Variants in EPG5 observed in about 807,000 individuals in gnomAD.
EPG5 encodes ectopic P-granules 5 autophagy tethering factor, also known as ectopic P granules protein 5 homolog.
EPG5 carries 159 observed loss-of-function variants against 302.7 expected under a neutral mutation model. The observed-to-expected ratio is 0.53, with a 90% CI of 0.46 to 0.60. The LOEUF is 0.60. EPG5 is among the 20% of genes least tolerant of loss of function. EPG5 has a pLI of 0.00. For synonymous variants in EPG5, 1,158 were observed against 1,136.8 expected (o/e 1.02, Z -0.37); for missense variants, 2,896 against 3,092.4 (o/e 0.94, Z 1.51).
chr18:45,809,463 T>G, the EPG5 span, among the ~76,000 whole-genome samples: 1 of 152,324 alleles, frequency 6.6e-6, no homozygotes, highest in East Asian at 1.9e-4. Flanking sequence ...ATAGACCATA[T>G]GATAGGCCAC....
intron 29 of EPG5, among the ~76,000 whole-genome samples, chr18:45,885,263 C>T (rs894350150): frequency 7.2e-5 from 11 of 151,966 alleles, no homozygotes; most frequent in African/African-American, 2.2e-4. Context: ...TGCTTGAACC[C>T]GGGAGGCAGT....
chr18:45,931,348 T>C (rs952725778), intron 11 of EPG5, among the ~76,000 whole-genome samples: 3 of 152,212 alleles, frequency 2.0e-5, no homozygotes, highest in African/African-American at 7.2e-5. Flanking sequence ...AGAAATTAGT[T>C]ATAACCGTAA....
At chr18:45,824,944 C>A in the EPG5 span, among the ~76,000 whole-genome samples, 2 of 151,870 alleles carry the variant, frequency 1.3e-5, no homozygotes, top group African/African-American at 4.8e-5. Context: ...TAGGAAGACC[C>A]CCAAGTGCCA....
chr18:45,887,760 G>T lies in EPG5; in HGVS notation c.5100C>A (p.Ile1700=). ...TRQFFTSCIE[I]LGQVFISGIK... is the part of the protein sequence containing the mutation. ...GTACAGATAGCCTTACCTGTCCCAA[G>T]ATCTCAATACATGAAGTAAAGAACT... The change falls in exon 29 of 44, where the codon ATC becomes ATA. Residue 1700 remains isoleucine, a synonymous_variant. Coordinates refer to ENST00000282041, the MANE Select transcript of EPG5 (RefSeq NM_020964.3). 1.3e-6 allele frequency: 2 copies of T among 1,571,268 alleles called. No homozygotes were observed. The highest frequency in any genetic ancestry group is 8.7e-7 in the Non-Finnish European group (1 of 1,148,554).
intron 29 of EPG5, among the ~76,000 whole-genome samples, chr18:45,886,906 C>T (rs762763357): frequency 6.6e-6 from 1 of 152,144 alleles, no homozygotes; most frequent in Non-Finnish European, 1.5e-5. Flanking sequence ...GATCTGCCCA[C>T]CTCAGCCTCC....
chr18:45,916,739 A>G, intron 17 of EPG5, 157 bp from the exon 18 acceptor site: 1 of 692,432 alleles, frequency 1.4e-6, no homozygotes, highest in Non-Finnish European at 2.3e-6. Context: ...AAGTTTTCAC[A>G]TTTAACATGG....
chr18:45,899,694 G>A, intron 26 of EPG5, 128 bp from the exon 27 acceptor site: 1 of 934,958 alleles, frequency 1.1e-6, no homozygotes, highest in Non-Finnish European at 1.6e-6. Flanking sequence ...AGTAACAGAG[G>A]ACCAAAGGTT....
intron 35 of EPG5, among the ~76,000 whole-genome samples, chr18:45,872,450 T>A (rs2048891376): frequency 1.3e-5 from 2 of 152,294 alleles, no homozygotes; most frequent in East Asian, 3.9e-4. Flanking sequence ...ACGCTTGCAA[T>A]CCCGGCACTT....
At chr18:45,841,403 G>A in the EPG5 span, among the ~76,000 whole-genome samples, 5 of 152,172 alleles carry the variant, frequency 3.3e-5, no homozygotes, top group South Asian at 2.1e-4. Context: ...GAGGGTGGAC[G>A]GGAGGAAGGC....
At chr18:45,823,407 T>C in the EPG5 span, among the ~76,000 whole-genome samples, 1 of 152,126 alleles carries the variant, frequency 6.6e-6, no homozygotes, top group Non-Finnish European at 1.5e-5. Flanking sequence ...CCTAGAAGAA[T>C]TGAGACCCCT....
intron 27 of EPG5, 86 bp downstream of exon 27, chr18:45,899,318 T>G (rs560240132): frequency 3.5e-5 from 52 of 1,479,996 alleles, no homozygotes; most frequent in Non-Finnish European, 4.8e-5. Context: ...GTGTGCTATA[T>G]ATGTCTTTCA....
chr18:45,865,673 T>G lies in EPG5; in HGVS notation c.6708A>C (p.Ala2236=). 6.2e-7 allele frequency: 1 copy of G among 1,613,790 alleles called. No individual in the cohort carries two copies. The highest frequency in any genetic ancestry group is 8.5e-7 in the Non-Finnish European group (1 of 1,179,964). The change falls in exon 39 of 44, where the codon GCA becomes GCC. Residue 2236 remains alanine (A), a synonymous_variant. Coordinates refer to ENST00000282041, the MANE Select transcript of EPG5 (RefSeq NM_020964.3). ...GCTTAGACATTTCCTGTTCTAGGAC[T>G]GCTAAGGTGATTTTTCCATTTTGTT... The part of the protein sequence containing the change: ...TLEQNGKITL[A]VLEQEMSKLL...
At chr18:45,906,836 A>C (rs1339969865) in intron 24 of EPG5, among the ~76,000 whole-genome samples, 2 of 152,068 alleles carry the variant, frequency 1.3e-5, no homozygotes, top group African/African-American at 2.4e-5. Context: ...TGTATTTTTT[A>C]GTAGAGATGG....
At chr18:45,946,606 G>A in intron 7 of EPG5, 57 bp downstream of exon 7, 1 of 1,280,736 alleles carries the variant, frequency 7.8e-7, no homozygotes. Flanking sequence ...AACAATACTT[G>A]GTGCATAAGA....
chr18:45,956,464 T>C (rs2051033052), intron 1 of EPG5, among the ~76,000 whole-genome samples: 1 of 151,876 alleles, frequency 6.6e-6, no homozygotes, highest in African/African-American at 2.4e-5. Context: ...TTTATTTATT[T>C]TTTTTTTTTT....
rs542412749 is a variant in EPG5 at position 45,907,920 on chromosome 18, T to TA, written c.4329+37dup. 0.021 allele frequency: 28,270 copies of TA among 1,335,618 alleles called. 8 individuals carry two copies. The highest frequency in any genetic ancestry group is 0.028 in the South Asian group (1,752 of 62,848). The allele number at this position is 1,335,618 out of a possible 1,614,324, so 82.7% of individuals were successfully genotyped here. ...CAGTTCAAATTACATTCAGATATGC[T>TA]AAAAAAAAAAAAAAAAAAAGGAGGG... On this transcript the variant is annotated intron_variant, in intron 24 of 43. Transcript: ENST00000282041.
rs1217479667 is a variant in EPG5 at position 45,944,105 on chromosome 18, CTCAGGGTCT to C, written c.1683_1691del (p.Asp562_Glu564del). Reference sequence around the variant, plus strand: ...CTTCATTAAGGAGAATCCAACTGGTCTCAGGGTCTTCATCCTAAGGGAAAAGACAAAAAA... The same window carrying C: ...CTTCATTAAGGAGAATCCAACTGGTCTCATCCTAAGGGAAAAGACAAAAAA... On this transcript the variant is annotated inframe_deletion, in exon 8 of 44. Transcript: ENST00000282041. 2 of 1,611,566 alleles carry C rather than the reference CTCAGGGTCT, an allele frequency of 1.2e-6. No homozygotes were observed. The highest frequency in any genetic ancestry group is 1.7e-6 in the Non-Finnish European group (2 of 1,177,810).
Position 45,860,120 on chromosome 18 carries a change from A to G in EPG5, c.6993T>C (p.Thr2331=). ...HMAETTEACI[T]AYFKESPLNQ... ...TCCTCTTACTTTCTTTGAAGTAGGC[A>G]GTGATGCAGGCTTCTGTAGTCTCAG... is the stretch of plus-strand genomic sequence containing the variant. The change falls in exon 40 of 44, where the codon ACT becomes ACC. Residue 2331 remains threonine, a synonymous_variant. Transcript: ENST00000282041. 1 of 1,614,238 alleles carries G rather than the reference A, an allele frequency of 6.2e-7. No homozygotes were observed. The highest frequency in any genetic ancestry group is 8.5e-7 in the Non-Finnish European group (1 of 1,180,046).
the EPG5 span, chr18:45,840,370 G>A: frequency 2.8e-6 from 3 of 1,081,414 alleles, no homozygotes; most frequent in Non-Finnish European, 3.9e-6. Context: ...ACCAGGGGCT[G>A]GGCCTTCCTT....
Sources: gnomAD v4.1 joint callset for allele counts (sites outside exome capture counted in the v4.1 genomes callset) on GRCh38, gnomAD v4.1.1 for gene constraint, MANE v1.5 for transcripts, NCBI Gene and HGNC (gene_info 2026-07-23, HGNC 2026-07-21) for gene names.